Variants in PRIM2 observed in about 807,000 individuals in gnomAD.
PRIM2 encodes DNA primase large subunit.
Under a neutral mutation model 67.3 loss-of-function variants are expected in PRIM2, and 39 were observed. The ratio of observed to expected loss-of-function variants is 0.58; its 90% CI spans 0.45 to 0.76. PRIM2 has a LOEUF of 0.76. Ranked by LOEUF, PRIM2 falls within the 30% of genes least tolerant of loss-of-function variation. The probability of loss-of-function intolerance (pLI) is 0.00; values close to 1 mark genes in which losing one functional copy is unlikely to be tolerated. For synonymous variants in PRIM2, 143 were observed against 198.7 expected (o/e 0.72, Z 2.36); for missense variants, 398 against 598.7 (o/e 0.66, Z 3.50).
the PRIM2 span, among the ~76,000 whole-genome samples, chr6:57,274,181 G>A: frequency 1.3e-5 from 2 of 152,262 alleles, no homozygotes; most frequent in Non-Finnish European, 2.9e-5. Context: ...TATGTCTGCA[G>A]AGGTTACTGC....
intron 7 of PRIM2, among the ~76,000 whole-genome samples, chr6:57,412,653 T>C (rs1218866909): frequency 1.3e-5 from 2 of 152,152 alleles, no homozygotes; most frequent in Non-Finnish European, 2.9e-5. Flanking sequence ...TAGTAACTTA[T>C]TGCATTAATT....
At chr6:57,390,460 G>C (rs1345342972) in intron 7 of PRIM2, among the ~76,000 whole-genome samples, 1 of 151,934 alleles carries the variant, frequency 6.6e-6, no homozygotes, top group African/African-American at 2.4e-5. Context: ...TGTCATGGGG[G>C]CTTGTTGTAC....
At chr6:57,297,122 A>G in the PRIM2 span, among the ~76,000 whole-genome samples, 3 of 152,170 alleles carry the variant, frequency 2.0e-5, no homozygotes, top group South Asian at 6.2e-4. Context: ...GTAGAATTCT[A>G]ATTCACAAAT....
intron 12 of PRIM2, among the ~76,000 whole-genome samples, chr6:57,617,726 T>C (rs1173953913): frequency 6.6e-6 from 1 of 152,182 alleles, no homozygotes. Flanking sequence ...AACTTCTTAA[T>C]GTCTATTGGT....
At chr6:57,342,801 G>A (rs1207171784) in intron 5 of PRIM2, among the ~76,000 whole-genome samples, 1 of 152,100 alleles carries the variant, frequency 6.6e-6, no homozygotes, top group African/African-American at 2.4e-5. Flanking sequence ...AAGTGAAGTT[G>A]GTAACCTCGT....
At chr6:57,416,852 G>A (rs1318268556) in intron 7 of PRIM2, among the ~76,000 whole-genome samples, 1 of 152,154 alleles carries the variant, frequency 6.6e-6, no homozygotes, top group Non-Finnish European at 1.5e-5. Context: ...GAATTGAAGA[G>A]AGTTAGGGGC....
At chr6:57,552,027 ACTGGAT>A (rs1775414753) in intron 10 of PRIM2, among the ~76,000 whole-genome samples, 1 of 152,098 alleles carries the variant, frequency 6.6e-6, no homozygotes, top group Non-Finnish European at 1.5e-5. Context: ...ATTAACAGAC[ACTGGAT>A]CTTAAAACCT....
At chr6:57,512,355 A>G (rs1291760219) in intron 8 of PRIM2, among the ~76,000 whole-genome samples, 249 of 152,238 alleles carry the variant, frequency 1.6e-3, no homozygotes, top group Non-Finnish European at 3.0e-3. Context: ...TAAGGCAGAA[A>G]TGAGTAGTAT....
At chr6:57,510,898 G>A (rs1774351834) in intron 8 of PRIM2, among the ~76,000 whole-genome samples, 1 of 151,804 alleles carries the variant, frequency 6.6e-6, no homozygotes, top group Non-Finnish European at 1.5e-5. Flanking sequence ...AATTTTGTTA[G>A]AAAAAAATTG....
the PRIM2 span, among the ~76,000 whole-genome samples, chr6:57,265,729 C>G: frequency 6.6e-6 from 1 of 152,314 alleles, no homozygotes; most frequent in South Asian, 2.1e-4. Context: ...CAACTCTAGA[C>G]ATATTTATTA....
At chr6:57,365,828 G>T (rs1001586222) in intron 5 of PRIM2, among the ~76,000 whole-genome samples, 1 of 152,008 alleles carries the variant, frequency 6.6e-6, no homozygotes, top group Non-Finnish European at 1.5e-5. Context: ...GCATGGTGGC[G>T]CGTTAGCACG....
At chr6:57,564,182 C>G (rs1775692966) in intron 10 of PRIM2, among the ~76,000 whole-genome samples, 1 of 151,962 alleles carries the variant, frequency 6.6e-6, no homozygotes, top group Non-Finnish European at 1.5e-5. Context: ...TTTCTCAAGC[C>G]CTAAATTAGT....
intron 10 of PRIM2, among the ~76,000 whole-genome samples, chr6:57,596,004 A>G (rs1776359096): frequency 6.6e-6 from 1 of 152,076 alleles, no homozygotes; most frequent in Non-Finnish European, 1.5e-5. Context: ...GAGTCACCTC[A>G]TTAGAACAAA....
chr6:57,639,846 A>G (rs1208693146), intron 13 of PRIM2, among the ~76,000 whole-genome samples: 1 of 151,900 alleles, frequency 6.6e-6, no homozygotes, highest in African/African-American at 2.4e-5. Context: ...ACTATTCTAA[A>G]CAACAGAAAA....
At chr6:57,253,960 G>T in the PRIM2 span, among the ~76,000 whole-genome samples, 2 of 152,218 alleles carry the variant, frequency 1.3e-5, no homozygotes, top group Admixed American at 1.3e-4. Flanking sequence ...TCATGATGTT[G>T]TGGTGATGAT....
At chr6:57,486,638 A>G (rs1304395160) in intron 7 of PRIM2, among the ~76,000 whole-genome samples, 2 of 152,214 alleles carry the variant, frequency 1.3e-5, no homozygotes, top group Non-Finnish European at 2.9e-5. Context: ...TCCAGTATAT[A>G]TGGCATGTTC....
chr6:57,385,260 GTATT>G (rs1770103824), intron 7 of PRIM2, among the ~76,000 whole-genome samples: 3 of 152,106 alleles, frequency 2.0e-5, no homozygotes, highest in Non-Finnish European at 4.4e-5. Context: ...AGAAATAAGA[GTATT>G]TATGAACTTT....
chr6:57,479,596 G>C (rs1349199232), intron 7 of PRIM2, among the ~76,000 whole-genome samples: 2 of 152,192 alleles, frequency 1.3e-5, no homozygotes, highest in Non-Finnish European at 2.9e-5. Context: ...GTATTACAGA[G>C]GGAAAAGGTT....
intron 10 of PRIM2, among the ~76,000 whole-genome samples, chr6:57,567,744 A>G (rs1384699574): frequency 1.3e-5 from 2 of 152,132 alleles, no homozygotes; most frequent in African/African-American, 4.8e-5. Flanking sequence ...CTTGATTGAA[A>G]TTGTGTTTAT....
Sources: allele counts gnomAD v4.1 joint callset (sites outside exome capture counted in the v4.1 genomes callset), GRCh38; gene constraint gnomAD v4.1.1; transcripts MANE v1.5; gene names NCBI Gene and HGNC (gene_info 2026-07-23, HGNC 2026-07-21).